The following PRSS23 variants were observed in gnomAD, a reference collection of about 807,000 sequenced individuals.
PRSS23 encodes protease, serine 23.
Under a neutral mutation model 34.7 loss-of-function variants are expected in PRSS23, and 25 were observed. That is an observed-to-expected ratio of 0.72 (90% CI 0.53 to 1.01). The LOEUF (loss-of-function observed/expected upper bound fraction) is 1.01, where lower values mean the gene tolerates loss of function less well. Ranked by LOEUF, PRSS23 falls within the 50% of genes least tolerant of loss-of-function variation. The pLI, the probability that PRSS23 is intolerant of heterozygous loss-of-function variation, is 0.00. For synonymous variants in PRSS23, 176 were observed against 186.6 expected (o/e 0.94, Z 0.46); for missense variants, 445 against 475.6 (o/e 0.94, Z 0.60).
At chr11:86,812,041 T>A (rs1028019596), downstream of PRSS23, among the ~76,000 whole-genome samples, 2 of 152,238 alleles carry the variant, frequency 1.3e-5, no homozygotes, top group African/African-American at 4.8e-5. Flanking sequence ...CATTGATTTC[T>A]ATGGATGTTT....
intron 2 of PRSS23, chr11:86,939,037 C>T (rs1164225115): frequency 2.2e-6 from 1 of 450,728 alleles, no homozygotes; most frequent in East Asian, 7.2e-5. Flanking sequence ...CATTTTTCAT[C>T]CATTCTTAAA....
intron 2 of PRSS23, among the ~76,000 whole-genome samples, chr11:86,901,187 T>C (rs1040857965): frequency 2.0e-4 from 30 of 152,132 alleles, no homozygotes; most frequent in Non-Finnish European, 1.5e-5. Context: ...ATTAACACTT[T>C]GTTATTTGTG....
intron 2 of PRSS23, among the ~76,000 whole-genome samples, chr11:86,844,439 C>A (rs1435148669): frequency 6.6e-6 from 1 of 151,940 alleles, no homozygotes; most frequent in Non-Finnish European, 1.5e-5. Context: ...AACCATAGGC[C>A]ATCACTTACT....
In PRSS23 at chr11:86,808,566, A is replaced by G; in HGVS notation, c.923A>G (p.Gln308Arg). Residue 308 changes from glutamine (Q) to arginine (R), a missense_variant, in exon 2 of 2, where the codon CAA becomes CGA. By Grantham distance (43) the Gln-to-Arg change is conservative. Coordinates refer to ENST00000280258, the MANE Select transcript of PRSS23 (RefSeq NM_007173.6). ...KDETYDLLYQ[Q>R]CDAQPGASGS... is the part of the protein sequence containing the mutation. Reference sequence around the variant, plus strand: ...GAGACCTATGACTTGCTCTACCAGCAATGCGATGCCCAGCCAGGGGCCAGC... The same window carrying G: ...GAGACCTATGACTTGCTCTACCAGCGATGCGATGCCCAGCCAGGGGCCAGC... 1 of 1,614,228 alleles carries G rather than the reference A, an allele frequency of 6.2e-7. No homozygotes were observed. Among genetic ancestry groups the G allele is most frequent in the Non-Finnish European group, 8.5e-7 (1 of 1,180,042 alleles).
At chr11:86,939,426 A>ATATATATATATATATATATT in intron 2 of PRSS23, among the ~76,000 whole-genome samples, 1 of 94,072 alleles carries the variant, frequency 1.1e-5, no homozygotes, top group African/African-American at 3.3e-5. Flanking sequence ...ATATATATAT[A>ATATATATATATATATATATT]TTTTTTAACA....
At chr11:86,885,064 A>G (rs937153481) in intron 2 of PRSS23, among the ~76,000 whole-genome samples, 2 of 152,220 alleles carry the variant, frequency 1.3e-5, no homozygotes, top group African/African-American at 4.8e-5. Context: ...AAGACAGGAC[A>G]TTTATTTTAT....
intron 2 of PRSS23, chr11:86,832,694 T>C: frequency 3.0e-6 from 1 of 335,008 alleles, no homozygotes; most frequent in South Asian, 2.7e-5. Context: ...CCCAACGACT[T>C]TTCCATAAAA....
intron 2 of PRSS23, chr11:86,936,708 AG>A (rs545707300): frequency 2.6e-5 from 4 of 152,224 alleles, no homozygotes; most frequent in African/African-American, 9.6e-5. Flanking sequence ...GTTTGAGACC[AG>A]CCTGGGAAAC....
At chr11:86,878,842 C>T (rs1216372436) in intron 2 of PRSS23, among the ~76,000 whole-genome samples, 1 of 151,712 alleles carries the variant, frequency 6.6e-6, no homozygotes, top group Non-Finnish European at 1.5e-5. Context: ...TGCGGCCATC[C>T]CGTCTAGGAA....
intron 2 of PRSS23, among the ~76,000 whole-genome samples, chr11:86,840,996 C>T (rs1948443151): frequency 6.6e-6 from 1 of 151,864 alleles, no homozygotes; most frequent in Admixed American, 6.6e-5. Context: ...TAAATGCCCA[C>T]AAGAGAAAGA....
chr11:86,839,327 G>A (rs1023911133), intron 2 of PRSS23, among the ~76,000 whole-genome samples: 22 of 151,984 alleles, frequency 1.4e-4, no homozygotes, highest in African/African-American at 4.8e-4. Context: ...GAAAACCACA[G>A]CAGGAGAACT....
chr11:86,905,293 A>T (rs973962163), intron 2 of PRSS23, among the ~76,000 whole-genome samples: 1 of 152,124 alleles, frequency 6.6e-6, no homozygotes, highest in African/African-American at 2.4e-5. Flanking sequence ...TGGAATAATA[A>T]TCTCTTTCTG....
rs1404125259 is a variant in PRSS23, at chr11:86,811,019, C to G, written c.*2224C>G. ...AGTAAGGCTAGTAGAACCACATTTC[C>G]CAAAGTGTGCTCCTTAAACACTCAT... On this transcript the variant is annotated 3_prime_UTR_variant, in exon 2 of 2. Transcript: ENST00000280258. 6.0e-6 allele frequency: 1 copy of G among 166,668 alleles called. No individual in the cohort carries two copies. The highest frequency in any genetic ancestry group is 2.4e-5 in the African/African-American group (1 of 41,416). The allele number at this position is 166,668 out of a possible 1,614,324, so 10.3% of individuals were successfully genotyped here. A position where few individuals can be genotyped will look rare whatever the true frequency, so the allele number is the denominator to read the frequency against.
chr11:86,880,171 T>C (rs1948763352), intron 2 of PRSS23, among the ~76,000 whole-genome samples: 1 of 152,178 alleles, frequency 6.6e-6, no homozygotes, highest in African/African-American at 2.4e-5. Context: ...CTCTGAAGCA[T>C]GTGCTGTGTC....
rs762787622 is a variant in PRSS23 at position 86,808,087 on chromosome 11, C to T, written c.444C>T (p.Tyr148=). 5 of 1,614,156 alleles carry T rather than the reference C, an allele frequency of 3.1e-6. No homozygotes were observed. In the South Asian group the frequency reaches 5.5e-5, roughly 18 times the overall value. ...TTGGGAAGGACTTCCTGCTCAACTA[C>T]CCTTTCTCAACATCAGTGAAGTTAT... is the stretch of plus-strand genomic sequence containing the variant. ...SIFGKDFLLN[Y]PFSTSVKLST... is the part of the protein sequence containing the mutation. The change falls in exon 2 of 2, where the codon TAC becomes TAT. Residue 148 remains tyrosine (Y), a synonymous_variant. Transcript: ENST00000280258.
intron 2 of PRSS23, among the ~76,000 whole-genome samples, chr11:86,939,757 T>G: frequency 6.6e-6 from 1 of 150,740 alleles, no homozygotes. Flanking sequence ...CTGTTGTTGT[T>G]TCTTTCTTTT....
chr11:86,881,793 AT>A (rs1256866499), intron 2 of PRSS23, among the ~76,000 whole-genome samples: 1 of 152,058 alleles, frequency 6.6e-6, no homozygotes, highest in Non-Finnish European at 1.5e-5. Context: ...GCCTATGAAG[AT>A]TTATTATCTC....
chr11:86,877,824 A>G (rs1565373828), intron 2 of PRSS23, among the ~76,000 whole-genome samples: 1 of 149,168 alleles, frequency 6.7e-6, no homozygotes, highest in African/African-American at 2.5e-5. Context: ...TTGCAATTCC[A>G]TATGAATTTT....
Position 86,810,176 on chromosome 11 carries a change from GT to G in PRSS23, c.*1386del, listed in dbSNP as rs1180554348. 6.0e-6 allele frequency: 1 copy of G among 166,674 alleles called. No homozygotes were observed. The highest frequency in any genetic ancestry group is 1.5e-5 in the Non-Finnish European group (1 of 68,108). 10.3% of individuals were successfully genotyped at this position (166,674 alleles called of 1,614,324 possible). A position where few individuals can be genotyped will look rare whatever the true frequency, so the allele number is the denominator to read the frequency against. On this transcript the variant is annotated 3_prime_UTR_variant, in exon 2 of 2. Coordinates refer to ENST00000280258, the MANE Select transcript of PRSS23 (RefSeq NM_007173.6). ...CAGAAAAGACTTGGACTTATTGTAT[GT>G]TTTTATTTTATGGCTCTCGGCCTAA...
Sources: allele counts gnomAD v4.1 joint callset (sites outside exome capture counted in the v4.1 genomes callset), GRCh38; gene constraint gnomAD v4.1.1; transcripts MANE v1.5; gene names NCBI Gene and HGNC (gene_info 2026-07-23, HGNC 2026-07-21).